Variants in DGKK observed in about 807,000 individuals in gnomAD.
DGKK encodes diacylglycerol kinase kappa.
In DGKK, 35 loss-of-function variants were observed where a neutral mutation model predicts 92.2. The observed-to-expected ratio is 0.38, with a 90% CI of 0.29 to 0.50. The LOEUF (loss-of-function observed/expected upper bound fraction) is 0.50, where lower values mean the gene tolerates loss of function less well. DGKK is among the 20% of genes least tolerant of loss of function. DGKK has a pLI of 0.92. For synonymous variants in DGKK, 368 were observed against 360.6 expected, an observed-to-expected ratio of 1.02 and a Z score of -0.23; for missense variants, 910 against 992.2, an observed-to-expected ratio of 0.92 and a Z score of 1.11.
chrX:50,456,893 C>T (rs960385932), intron 1 of DGKK, among the ~76,000 whole-genome samples: 6 of 111,421 alleles, frequency 5.4e-5, no homozygotes, highest in Admixed American at 2.8e-4. Flanking sequence ...GTGTCTAGCC[C>T]GGAGGGGATA....
At chrX:50,456,887 C>T (rs1456527588) in intron 1 of DGKK, among the ~76,000 whole-genome samples, 3 of 111,623 alleles carry the variant, frequency 2.7e-5, no homozygotes, top group Admixed American at 9.5e-5. Flanking sequence ...TTCTGGGTGT[C>T]TAGCCCGGAG....
At chrX:50,442,976 A>G (rs1411261629) in intron 1 of DGKK, among the ~76,000 whole-genome samples, 4 of 111,574 alleles carry the variant, frequency 3.6e-5, no homozygotes, top group African/African-American at 1.3e-4. Context: ...ATGGCCACTT[A>G]CTTCATGGCT....
At chrX:50,447,334 ATATATATAT>A (rs1402785744) in intron 1 of DGKK, among the ~76,000 whole-genome samples, 587 of 24,137 alleles carry the variant, frequency 0.024, 52 homozygotes, top group African/African-American at 0.1. Flanking sequence ...ATGTATATAT[ATATATATAT>A]TATATATATA....
intron 7 of DGKK, among the ~76,000 whole-genome samples, chrX:50,402,423 CA>C (rs1157594545): frequency 9.0e-6 from 1 of 110,886 alleles, no homozygotes; most frequent in Non-Finnish European, 1.9e-5. Flanking sequence ...GTCTCAAAAA[CA>C]AAAAACAAAA....
chrX:50,464,846 T>C (rs1557233815), intron 1 of DGKK, among the ~76,000 whole-genome samples: 1 of 111,344 alleles, frequency 9.0e-6, no homozygotes, highest in Non-Finnish European at 1.9e-5. Context: ...GTATCCACAG[T>C]GTTGTGCACC....
At chrX:50,426,325 T>G (rs1925740532) in intron 1 of DGKK, among the ~76,000 whole-genome samples, 1 of 111,641 alleles carries the variant, frequency 9.0e-6, no homozygotes, top group Non-Finnish European at 1.9e-5. Context: ...CACTTACCCT[T>G]AAAGAACCTA....
chrX:50,367,519 A>G lies in DGKK; in HGVS notation c.*1421T>C, dbSNP rs990309951. 1 of 111,426 alleles carries G rather than the reference A, an allele frequency of 9.0e-6. No homozygotes were observed. Among genetic ancestry groups the G allele is most frequent in the Non-Finnish European group, 1.9e-5 (1 of 53,077 alleles). The allele number at this position is 111,426 out of a possible 1,213,427, so 9.2% of individuals were successfully genotyped here. ...ATCACTTCAATGCCCCTCTGTACTCAAGGGAAAAGGGCAAGATGGGAGATT... is the reference window on the plus strand; with the variant it reads ...ATCACTTCAATGCCCCTCTGTACTCGAGGGAAAAGGGCAAGATGGGAGATT... On this transcript the variant is annotated 3_prime_UTR_variant, in exon 28 of 28. Coordinates refer to ENST00000611977, the MANE Select transcript of DGKK (RefSeq NM_001013742.4).
At chrX:50,413,387 T>C (rs781853929) in intron 4 of DGKK, among the ~76,000 whole-genome samples, 1 of 111,897 alleles carries the variant, frequency 8.9e-6, no homozygotes, top group African/African-American at 3.2e-5. Flanking sequence ...AAATCTTCTA[T>C]ACAGCAAAGG....
chrX:50,392,781 A>G (rs1210860095), intron 9 of DGKK, among the ~76,000 whole-genome samples: 1 of 112,840 alleles, frequency 8.9e-6, no homozygotes, highest in East Asian at 2.8e-4. Context: ...CCAAAATAAA[A>G]CAGGTCTATA....
chrX:50,462,097 G>A (rs1189234121), intron 1 of DGKK, among the ~76,000 whole-genome samples: 4 of 111,451 alleles, frequency 3.6e-5, no homozygotes, highest in Non-Finnish European at 7.6e-5. Context: ...ATGACGCAGC[G>A]AATTCCCAAA....
At chrX:50,422,045 A>G (rs1602288791) in intron 3 of DGKK, among the ~76,000 whole-genome samples, 1 of 111,920 alleles carries the variant, frequency 8.9e-6, no homozygotes, top group South Asian at 3.8e-4. Context: ...CATGGGGTAG[A>G]TTTCACTTTG....
At chrX:50,411,398 G>T (rs1285044318) in intron 4 of DGKK, among the ~76,000 whole-genome samples, 1 of 112,405 alleles carries the variant, frequency 8.9e-6, no homozygotes, top group Non-Finnish European at 1.9e-5. Flanking sequence ...GAGATAAAAA[G>T]ATGATGCAAC....
intron 1 of DGKK, among the ~76,000 whole-genome samples, chrX:50,432,005 G>A (rs782052390): frequency 6.4e-4 from 72 of 111,896 alleles, no homozygotes; most frequent in African/African-American, 1.7e-3. Context: ...TGCTGCCATC[G>A]CTCTGCTCAT....
chrX:50,375,700 A>G (rs781855805), intron 24 of DGKK, among the ~76,000 whole-genome samples: 22 of 111,644 alleles, frequency 2.0e-4, no homozygotes, highest in African/African-American at 5.9e-4. Context: ...CAGGTTATAC[A>G]GAGATCTACT....
chrX:50,406,625 T>G (rs1397871580), intron 4 of DGKK, among the ~76,000 whole-genome samples: 1 of 110,921 alleles, frequency 9.0e-6, no homozygotes, highest in Non-Finnish European at 1.9e-5. Flanking sequence ...AAGGTGGAGA[T>G]TGGAATGATG....
chrX:50,424,490 C>T (rs1332467415), intron 1 of DGKK, 132 bp from the exon 2 acceptor site: 4 of 505,018 alleles, frequency 7.9e-6, no homozygotes, highest in Non-Finnish European at 1.3e-5. Context: ...GCCTGAAGGC[C>T]AGGTGAGAAC....
In DGKK at chrX:50,366,368, G is replaced by A. The variant is rs182057070; in HGVS notation, c.*2572C>T. The A allele has an allele frequency of 9.8e-4, 109 of 111,631 alleles. No individual in the cohort carries two copies. Among genetic ancestry groups the A allele is most frequent in the Non-Finnish European group, 1.5e-4 (8 of 53,140 alleles). 9.2% of individuals were successfully genotyped at this position (111,631 alleles called of 1,213,427 possible). A position where few individuals can be genotyped will look rare whatever the true frequency, so the allele number is the denominator to read the frequency against. ...CAAGCCACACCTGCTCCTGGGCCTTGTCATCTATCAACTGTGCTCCATGAG... is the reference window on the plus strand; with the variant it reads ...CAAGCCACACCTGCTCCTGGGCCTTATCATCTATCAACTGTGCTCCATGAG... On this transcript the variant is annotated 3_prime_UTR_variant, in exon 28 of 28. Coordinates refer to ENST00000611977, the MANE Select transcript of DGKK (RefSeq NM_001013742.4).
intron 1 of DGKK, among the ~76,000 whole-genome samples, chrX:50,429,817 G>A (rs1204169188): frequency 8.9e-6 from 1 of 112,578 alleles, no homozygotes; most frequent in African/African-American, 3.2e-5. Context: ...CGGGCGAGAA[G>A]GGAGTTCTCC....
chrX:50,427,396 G>T (rs1925771668), intron 1 of DGKK, among the ~76,000 whole-genome samples: 1 of 110,118 alleles, frequency 9.1e-6, no homozygotes, highest in Non-Finnish European at 1.9e-5. Context: ...GATTTTTAGG[G>T]CAGTGATACT....
Sources: gnomAD v4.1 joint callset for allele counts (sites outside exome capture counted in the v4.1 genomes callset) on GRCh38, gnomAD v4.1.1 for gene constraint, MANE v1.5 for transcripts, NCBI Gene and HGNC (gene_info 2026-07-23, HGNC 2026-07-21) for gene names.